Variants in CNTN1 observed in about 807,000 individuals in gnomAD.
CNTN1 encodes the protein contactin-1.
A neutral mutation model predicts 126.4 loss-of-function variants in CNTN1; 38 were observed. The observed-to-expected ratio is 0.30, with a 90% CI of 0.23 to 0.39. The LOEUF (loss-of-function observed/expected upper bound fraction) is 0.39. Ranked by LOEUF, CNTN1 falls within the 10% of genes least tolerant of loss-of-function variation. The probability of loss-of-function intolerance (pLI) is 1.00; values close to 1 mark genes in which losing one functional copy is unlikely to be tolerated. For synonymous variants in CNTN1, 413 were observed against 422.6 expected (o/e 0.98, Z 0.28); for missense variants, 1,009 against 1,248.4 (o/e 0.81, Z 2.89).
intron 23 of CNTN1, among the ~76,000 whole-genome samples, chr12:41,064,184 A>C (rs1950001323): frequency 1.3e-5 from 2 of 152,066 alleles, no homozygotes; most frequent in Non-Finnish European, 2.9e-5. Flanking sequence ...AAAAAAAAAA[A>C]AAAAAACAAT....
chr12:40,802,808 C>T (rs1278387441), intron 1 of CNTN1, among the ~76,000 whole-genome samples: 1 of 151,964 alleles, frequency 6.6e-6, no homozygotes, highest in Admixed American at 6.6e-5. Flanking sequence ...CAGATATTAT[C>T]ATTCTTGGCA....
chr12:41,055,748 G>C (rs1012220681), intron 23 of CNTN1, among the ~76,000 whole-genome samples: 9 of 152,074 alleles, frequency 5.9e-5, no homozygotes, highest in Non-Finnish European at 1.0e-4. Flanking sequence ...CATTTAGATG[G>C]TTCCTGCCCA....
chr12:40,695,381 G>A (rs76707263), intron 1 of CNTN1, among the ~76,000 whole-genome samples: 209 of 152,208 alleles, frequency 1.4e-3, no homozygotes, highest in Non-Finnish European at 2.5e-3. Flanking sequence ...AGAATGACTC[G>A]GTTCTACAGT....
At chr12:40,979,981 A>G (rs1487224536) in intron 15 of CNTN1, among the ~76,000 whole-genome samples, 2 of 152,120 alleles carry the variant, frequency 1.3e-5, no homozygotes, top group African/African-American at 2.4e-5. Flanking sequence ...TGAATTGACA[A>G]TTATTTTCTA....
chr12:40,899,992 C>G (rs1358117972), intron 1 of CNTN1, among the ~76,000 whole-genome samples: 9 of 151,818 alleles, frequency 5.9e-5, no homozygotes, highest in Admixed American at 5.9e-4. Context: ...GAATAGAAAC[C>G]CTTGCTCTGT....
At chr12:40,866,325 T>C (rs1298589930) in intron 1 of CNTN1, among the ~76,000 whole-genome samples, 5 of 152,154 alleles carry the variant, frequency 3.3e-5, no homozygotes, top group African/African-American at 1.2e-4. Context: ...CTATTTGCTC[T>C]GTCCAGAACT....
intron 15 of CNTN1, chr12:40,972,301 T>C (rs1947540004): frequency 2.0e-6 from 2 of 985,318 alleles, no homozygotes; most frequent in Middle Eastern, 5.2e-4. Flanking sequence ...TGATTAAAAT[T>C]GAGGAGTATA....
intron 23 of CNTN1, among the ~76,000 whole-genome samples, chr12:41,035,715 GA>G (rs1478021355): frequency 6.6e-6 from 1 of 152,076 alleles, no homozygotes; most frequent in Non-Finnish European, 1.5e-5. Context: ...TAAAGGACAG[GA>G]ACTAGCCATA....
chr12:40,952,558 T>G (rs1946728473), intron 14 of CNTN1, among the ~76,000 whole-genome samples: 1 of 151,894 alleles, frequency 6.6e-6, no homozygotes, highest in African/African-American at 2.4e-5. Flanking sequence ...ATAGCGACAC[T>G]AGTAATATTA....
At chr12:40,811,869 T>C (rs946380547) in intron 1 of CNTN1, among the ~76,000 whole-genome samples, 9 of 151,976 alleles carry the variant, frequency 5.9e-5, no homozygotes, top group Admixed American at 6.6e-5. Flanking sequence ...TTTTCTATTG[T>C]TTTTCCATTT....
At chr12:41,022,883 T>G (rs1197599690) in intron 20 of CNTN1, among the ~76,000 whole-genome samples, 2 of 152,190 alleles carry the variant, frequency 1.3e-5, no homozygotes, top group Admixed American at 6.5e-5. Flanking sequence ...GAATTATTCT[T>G]CCCATTCATT....
At chr12:40,699,148 C>G (rs767412175) in intron 1 of CNTN1, among the ~76,000 whole-genome samples, 3 of 152,106 alleles carry the variant, frequency 2.0e-5, no homozygotes, top group Non-Finnish European at 4.4e-5. Context: ...TCTCTTGCCT[C>G]CACCGTAAGT....
At chr12:40,968,146 G>A (rs879741622) in intron 15 of CNTN1, among the ~76,000 whole-genome samples, 1 of 152,070 alleles carries the variant, frequency 6.6e-6, no homozygotes, top group Non-Finnish European at 1.5e-5. Context: ...GGAAGAACAA[G>A]GTTTGAATGC....
chr12:40,697,104 G>T (rs1941469408), intron 1 of CNTN1, among the ~76,000 whole-genome samples: 1 of 151,994 alleles, frequency 6.6e-6, no homozygotes, highest in African/African-American at 2.4e-5. Context: ...ATTAATATTT[G>T]CATTTCTGAC....
At position 40,738,848 on chromosome 12, in the gene CNTN1, C is replaced by G. The variant is rs907257540; in HGVS notation, c.-77+46256C>G. ...AGCAGTGGAGAGTTGTACCTGTAGT[C>G]GATGGGATTTTGAACTAGTAAAAGC... On this transcript the variant is annotated intron_variant, in intron 1 of 23. Transcript: ENST00000551295. Among the ~76,000 whole-genome samples, 3 of 151,972 alleles carry G rather than the reference C, an allele frequency of 2.0e-5. 1 individual carries two copies. Among genetic ancestry groups the G allele is most frequent in the African/African-American group, 7.2e-5 (3 of 41,392 alleles).
At chr12:40,722,630 G>A (rs370723728) in intron 1 of CNTN1, among the ~76,000 whole-genome samples, 3 of 151,982 alleles carry the variant, frequency 2.0e-5, no homozygotes, top group African/African-American at 7.3e-5. Context: ...ACACATGCAC[G>A]CACACACTAT....
intron 1 of CNTN1, among the ~76,000 whole-genome samples, chr12:40,854,169 C>T (rs896258376): frequency 6.6e-6 from 1 of 151,646 alleles, no homozygotes; most frequent in Non-Finnish European, 1.5e-5. Context: ...AGGAAGTTTA[C>T]AGTCTAGTGG....
chr12:40,908,083 T>C (rs1240946867), intron 1 of CNTN1, among the ~76,000 whole-genome samples: 1 of 152,220 alleles, frequency 6.6e-6, no homozygotes, highest in Non-Finnish European at 1.5e-5. Context: ...GTGACACTCA[T>C]GATTGCATTG....
chr12:40,775,439 A>G (rs1438056645), intron 1 of CNTN1, among the ~76,000 whole-genome samples: 1 of 151,278 alleles, frequency 6.6e-6, no homozygotes, highest in Non-Finnish European at 1.5e-5. Context: ...TTCTATAATT[A>G]TTTTTTTCCA....
Sources: allele counts gnomAD v4.1 joint callset (sites outside exome capture counted in the v4.1 genomes callset), GRCh38; gene constraint gnomAD v4.1.1; transcripts MANE v1.5; gene names NCBI Gene and HGNC (gene_info 2026-07-23, HGNC 2026-07-21).